The following UTP11 variants were observed in gnomAD, a reference collection of about 807,000 sequenced individuals.
UTP11 encodes the protein probable U3 small nucleolar RNA-associated protein 11.
Under a neutral mutation model 39.0 loss-of-function variants are expected in UTP11, and 29 were observed. The ratio of observed to expected loss-of-function variants is 0.74; its 90% CI spans 0.55 to 1.01. The LOEUF (loss-of-function observed/expected upper bound fraction) is 1.01, where lower values mean the gene tolerates loss of function less well. UTP11 is among the 50% of genes least tolerant of loss of function. The pLI is 0.00. For synonymous variants in UTP11, 111 were observed against 105.0 expected, an observed-to-expected ratio of 1.06 and a Z score of -0.35; for missense variants, 281 against 306.0, an observed-to-expected ratio of 0.92 and a Z score of 0.61.
chr1:38,015,264 C>G (rs923841517), intron 1 of UTP11, among the ~76,000 whole-genome samples: 2 of 152,198 alleles, frequency 1.3e-5, no homozygotes, highest in Non-Finnish European at 2.9e-5. Context: ...TCAGATGCCC[C>G]ACCCACCGTG....
chr1:38,016,501 C>T lies in UTP11; in HGVS notation c.125+81C>T, dbSNP rs983914104. 4 of 1,424,462 alleles carry T rather than the reference C, an allele frequency of 2.8e-6. No individual in the cohort carries two copies. In the African/African-American group the frequency reaches 4.2e-5, roughly 15 times the overall value. The allele number at this position is 1,424,462 out of a possible 1,614,324, so 88.2% of individuals were successfully genotyped here. On this transcript the variant is annotated intron_variant, in intron 2 of 7. Transcript: ENST00000373014. ...ACTGCAGCTGAATTGCCTGAGTGTC[C>T]AACAGGGGATAATTTCCTGCCATTG...
rs2148737049 is a variant in UTP11 at position 38,016,430 on chromosome 1, G to T, written c.125+10G>T. ...ACAAACTTCGTGCAGAGTGAGTTCA[G>T]TCTTTCTGGTAGAGGCGCTGCCAAG... On this transcript the variant is annotated intron_variant, in intron 2 of 7. Transcript: ENST00000373014. 1 of 1,614,020 alleles carries T rather than the reference G, an allele frequency of 6.2e-7. No homozygotes were observed. The highest frequency in any genetic ancestry group is 1.6e-4 in the Middle Eastern group (1 of 6,062).
chr1:38,023,545 G>C lies in UTP11; in HGVS notation c.679G>C (p.Asp227His). The C allele has an allele frequency of 6.2e-7, 1 of 1,609,330 alleles. No homozygotes were observed. Among genetic ancestry groups the C allele is most frequent in the Non-Finnish European group, 8.5e-7 (1 of 1,178,234 alleles). ...QKIQTRKDLM[D>H]KTQKVKVKKE... ...TGATCACCTTTTTACTCTTTTGTAGGATAAAACTCAGAAAGTGAAGGTGAA... is the reference window on the plus strand; with the variant it reads ...TGATCACCTTTTTACTCTTTTGTAGCATAAAACTCAGAAAGTGAAGGTGAA... The change falls in exon 8 of 8, where the codon GAT becomes CAT. Residue 227 changes from aspartate (D) to histidine (H), a missense_variant and splice_region_variant. Transcript: ENST00000373014.
intron 2 of UTP11, 44 bp downstream of exon 2, chr1:38,016,464 C>A: frequency 1.9e-6 from 3 of 1,603,654 alleles, no homozygotes; most frequent in Non-Finnish European, 2.6e-6. Flanking sequence ...AGAAAGCTTA[C>A]AACCTCCTTG....
Position 38,023,684 on chromosome 1 carries a change from T to C in UTP11, c.*56T>C, listed in dbSNP as rs1415312451. 2 of 1,486,676 alleles carry C rather than the reference T, an allele frequency of 1.3e-6. No individual in the cohort carries two copies. Among genetic ancestry groups the C allele is most frequent in the Non-Finnish European group, 1.8e-6 (2 of 1,086,720 alleles). 92.1% of individuals were successfully genotyped at this position (1,486,676 alleles called of 1,614,324 possible). A position where few individuals can be genotyped will look rare whatever the true frequency, so the allele number is the denominator to read the frequency against. ...TCAAAAATCTGTTGTCGTTTTCTAG[T>C]AACTTCAAATTCCATTACTCCAAAT... On this transcript the variant is annotated 3_prime_UTR_variant, in exon 8 of 8. Transcript: ENST00000373014.
At chr1:38,018,268 A>G (rs1646717242) in intron 3 of UTP11, among the ~76,000 whole-genome samples, 196 bp from the exon 4 acceptor site, 1 of 151,916 alleles carries the variant, frequency 6.6e-6, no homozygotes, top group Non-Finnish European at 1.5e-5. Flanking sequence ...ACGGGGTTTC[A>G]CCATGTTGGT....
At chr1:38,020,948 G>T (rs543157627) in intron 6 of UTP11, among the ~76,000 whole-genome samples, 11 of 150,802 alleles carry the variant, frequency 7.3e-5, no homozygotes, top group South Asian at 4.2e-4. Flanking sequence ...TTGAGACGGA[G>T]TCTCACTCTG....
chr1:38,015,087 A>C (rs989266575), intron 1 of UTP11, among the ~76,000 whole-genome samples: 25 of 152,016 alleles, frequency 1.6e-4, no homozygotes. Flanking sequence ...CGATGGTGTG[A>C]TCTTGGCCCA....
chr1:38,021,200 C>T (rs1329839169), intron 6 of UTP11, among the ~76,000 whole-genome samples: 5 of 152,142 alleles, frequency 3.3e-5, no homozygotes, highest in Admixed American at 1.3e-4. Context: ...GGATTACAGG[C>T]GTGAGCTACC....
intron 6 of UTP11, among the ~76,000 whole-genome samples, 175 bp downstream of exon 6, chr1:38,019,558 A>C (rs1646725491): frequency 6.6e-6 from 1 of 151,506 alleles, no homozygotes; most frequent in African/African-American, 2.4e-5. Context: ...ATCTCGGCTC[A>C]CTGCAACCTC....
At chr1:38,018,029 G>C (rs189945675) in intron 3 of UTP11, among the ~76,000 whole-genome samples, 1 of 152,094 alleles carries the variant, frequency 6.6e-6, no homozygotes. Flanking sequence ...CGCCTCAGGG[G>C]CCTGTGTCTA....
At chr1:38,016,492 C>A in intron 2 of UTP11, 72 bp downstream of exon 2, 6 of 1,494,912 alleles carry the variant, frequency 4.0e-6, no homozygotes, top group South Asian at 1.1e-5. Flanking sequence ...GCTGAATTGC[C>A]TGAGTGTCCA....
chr1:38,017,786 C>T lies in UTP11; in HGVS notation c.228+16C>T, dbSNP rs751320897. Reference sequence around the variant, plus strand: ...TAAACTCCAGGTGGGTGCCCAATGGCTTGGTTGGTGTTTTGAGCTCCACAC... The same window carrying T: ...TAAACTCCAGGTGGGTGCCCAATGGTTTGGTTGGTGTTTTGAGCTCCACAC... On this transcript the variant is annotated intron_variant, in intron 3 of 7. Coordinates refer to ENST00000373014, the MANE Select transcript of UTP11 (RefSeq NM_016037.4). 1.2e-5 allele frequency: 19 copies of T among 1,591,166 alleles called. No homozygotes were observed. Among genetic ancestry groups the T allele is most frequent in the Non-Finnish European group, 1.5e-5 (18 of 1,168,588 alleles).
intron 6 of UTP11, among the ~76,000 whole-genome samples, chr1:38,019,778 C>G (rs1399413032): frequency 1.3e-5 from 2 of 152,144 alleles, no homozygotes; most frequent in Admixed American, 1.3e-4. Context: ...GCCACTGTGC[C>G]TGGCCTAAAA....
At position 38,019,257 on chromosome 1, in the gene UTP11, A is replaced by G. The variant is rs1646723429; in HGVS notation, c.441A>G (p.Glu147=). 1 of 1,614,124 alleles carries G rather than the reference A, an allele frequency of 6.2e-7. No individual in the cohort carries two copies. The highest frequency in any genetic ancestry group is 8.5e-7 in the Non-Finnish European group (1 of 1,180,016). ...AAGGATTGTCTTGAATTTTAGTTGA[A>G]CAGTTTGATGTCGCAACTCACCTGC... is the stretch of plus-strand genomic sequence containing the variant. ...VFFFDTKKEV[E]QFDVATHLQT... The change falls in exon 6 of 8, where the codon GAA becomes GAG. Residue 147 remains glutamate, a synonymous_variant. Coordinates refer to ENST00000373014, the MANE Select transcript of UTP11 (RefSeq NM_016037.4).
At chr1:38,014,728 C>G (rs1320583367) in intron 1 of UTP11, among the ~76,000 whole-genome samples, 1 of 152,178 alleles carries the variant, frequency 6.6e-6, no homozygotes, top group African/African-American at 2.4e-5. Context: ...GCTCGACCCC[C>G]TCACTCAAGC....
In UTP11 at chr1:38,019,396, G is replaced by A; in HGVS notation, c.567+13G>A. On this transcript the variant is annotated intron_variant, in intron 6 of 7. Coordinates refer to ENST00000373014, the MANE Select transcript of UTP11 (RefSeq NM_016037.4). The stretch of plus-strand genomic sequence containing the variant: ...GACTGGACTTAAGGTAATTTTCTCT[G>A]TTGTTCTTCACATGTGAGCTTAGGG... The A allele has an allele frequency of 6.3e-7, 1 of 1,593,202 alleles. No individual in the cohort carries two copies. The highest frequency in any genetic ancestry group is 8.6e-7 in the Non-Finnish European group (1 of 1,169,316).
At position 38,017,756 on chromosome 1, in the gene UTP11, C is replaced by G; in HGVS notation, c.214C>G (p.Arg72Gly). The G allele has an allele frequency of 6.2e-7, 1 of 1,611,250 alleles. No homozygotes were observed. Among genetic ancestry groups the G allele is most frequent in the Non-Finnish European group, 8.5e-7 (1 of 1,178,798 alleles). ...NPDEFYYKMT[R>G]VKLQDGVHII... Reference sequence around the variant, plus strand: ...AGATGAATTCTACTACAAAATGACTCGGGTTAAACTCCAGGTGGGTGCCCA... The same window carrying G: ...AGATGAATTCTACTACAAAATGACTGGGGTTAAACTCCAGGTGGGTGCCCA... Residue 72 changes from arginine (R) to glycine (G), a missense_variant, in exon 3 of 8, where the codon CGG (arginine) becomes GGG (glycine). Coordinates refer to ENST00000373014, the MANE Select transcript of UTP11 (RefSeq NM_016037.4).
Position 38,012,743 on chromosome 1 carries a change from G to C in UTP11, c.-60G>C. 1.2e-6 allele frequency: 2 copies of C among 1,608,386 alleles called. No individual in the cohort carries two copies. The highest frequency in any genetic ancestry group is 1.7e-6 in the Non-Finnish European group (2 of 1,174,850). ...ATTTCCGGTAGGAATCAGTGGACTT[G>C]GCGGCAGAGGCAGTGCGGATCCGGC... On this transcript the variant is annotated 5_prime_UTR_variant, in exon 1 of 8. Coordinates refer to ENST00000373014, the MANE Select transcript of UTP11 (RefSeq NM_016037.4).
Sources: allele counts gnomAD v4.1 joint callset (sites outside exome capture counted in the v4.1 genomes callset), GRCh38; gene constraint gnomAD v4.1.1; transcripts MANE v1.5; gene names NCBI Gene and HGNC (gene_info 2026-07-23, HGNC 2026-07-21).